The following ZKSCAN4 variants were observed in gnomAD, a reference collection of about 807,000 sequenced individuals.
ZKSCAN4 encodes the protein zinc finger with KRAB and SCAN domains 4, also known as zinc finger protein with KRAB and SCAN domains 4.
A neutral mutation model predicts 30.8 loss-of-function variants in ZKSCAN4; 23 were observed. The ratio of observed to expected loss-of-function variants is 0.75; its 90% CI spans 0.54 to 1.06. ZKSCAN4 has a LOEUF of 1.06. Ranked by LOEUF, ZKSCAN4 falls within the 50% of genes least tolerant of loss-of-function variation. The pLI, the probability that ZKSCAN4 is intolerant of heterozygous loss-of-function variation, is 0.00. For missense variants in ZKSCAN4, 556 were observed against 665.4 expected, an observed-to-expected ratio of 0.84 and a Z score of 1.81; for synonymous variants, 208 against 252.5, an observed-to-expected ratio of 0.82 and a Z score of 1.67.
Position 28,251,540 on chromosome 6 carries a change from T to A in ZKSCAN4, c.423+18A>T. ...GAAACAGACCACAGCGCTCAGATAC[T>A]AAACCTGTTCTTTCTACCTGCGGCG... On this transcript the variant is annotated intron_variant, in intron 1 of 4. Coordinates refer to ENST00000377294, the MANE Select transcript of ZKSCAN4 (RefSeq NM_019110.5). The surrounding 1 kb of genome is among the most constrained non-coding windows in gnomAD (Gnocchi z 4.5). The A allele has an allele frequency of 2.5e-6, 4 of 1,614,170 alleles. No individual in the cohort carries two copies. The South Asian group carries it at 4.4e-5, about 18-fold the overall frequency.
rs769732210 is a variant in ZKSCAN4, at chr6:28,245,551, C to A, written c.1203G>T (p.Glu401Asp). 21 of 1,614,238 alleles carry A rather than the reference C, an allele frequency of 1.3e-5. No homozygotes were observed. In the Admixed American group the frequency reaches 3.0e-4, roughly 23 times the overall value. ...CACAGTCATCACACTCATAGGGCTT[C>A]TCCCCAGTGTGGGTTCTCTGGTGTT... Reference protein sequence around the residue: ...LIKHQRTHTGEKPYECDDCGK... With the variant: ...LIKHQRTHTGDKPYECDDCGK... Residue 401 changes from glutamate to aspartate, a missense_variant, in exon 5 of 5, where the codon GAG becomes GAT. Transcript: ENST00000377294.
upstream of ZKSCAN4, among the ~76,000 whole-genome samples, chr6:28,252,878 A>C (rs982676164): frequency 1.3e-5 from 2 of 152,036 alleles, no homozygotes; most frequent in African/African-American, 4.8e-5. Context: ...GAAACTCTCT[A>C]GTCTCTGGCT....
Position 28,251,469 on chromosome 6 carries a change from T to C in ZKSCAN4, c.423+89A>G. The C allele has an allele frequency of 6.2e-7, 1 of 1,604,906 alleles. No individual in the cohort carries two copies. The highest frequency in any genetic ancestry group is 8.5e-7 in the Non-Finnish European group (1 of 1,175,074). On this transcript the variant is annotated intron_variant, in intron 1 of 4. Transcript: ENST00000377294. This position sits in a 1 kb window ranked among gnomAD's most constrained non-coding sequence, Gnocchi z 4.5. ...AGTACAAAAAGAGATGAAGAACTCC[T>C]GGACCTTAAAGGAATGCCCCTCGCT...
At position 28,245,964 on chromosome 6, in the gene ZKSCAN4, G is replaced by T; in HGVS notation, c.790C>A (p.Gln264Lys). 1 of 1,614,154 alleles carries T rather than the reference G, an allele frequency of 6.2e-7. No homozygotes were observed. The highest frequency in any genetic ancestry group is 8.5e-7 in the Non-Finnish European group (1 of 1,180,024). ...SSLVSLGGEI[Q>K]TKSRDLPPVK... ...GGAGGCAAGTCCCTGCTCTTAGTCT[G>T]TATTTCACCACCTGAAACAACAAAT... The change falls in exon 5 of 5, where the codon CAG (glutamine) becomes AAG (lysine). Residue 264 changes from glutamine (Q) to lysine (K), a missense_variant. Physicochemically the swap from Gln to Lys is moderately conservative, Grantham distance 53 (BLOSUM62 1). Coordinates refer to ENST00000377294, the MANE Select transcript of ZKSCAN4 (RefSeq NM_019110.5).
rs1325506365 is a variant in ZKSCAN4 at position 28,249,397 on chromosome 6, G to A, written c.571+290C>T. Among the ~76,000 whole-genome samples the A allele has an allele frequency of 1.3e-5, 2 of 152,112 alleles. No individual in the cohort carries two copies. Among genetic ancestry groups the A allele is most frequent in the African/African-American group, 4.8e-5 (2 of 41,400 alleles). On this transcript the variant is annotated intron_variant, in intron 2 of 4. Coordinates refer to ENST00000377294, the MANE Select transcript of ZKSCAN4 (RefSeq NM_019110.5). This position sits in a 1 kb window ranked among gnomAD's most constrained non-coding sequence, Gnocchi z 4.1. The stretch of plus-strand genomic sequence containing the variant: ...CTCTCTCCCCAGTGCCTACAACACT[G>A]GCTACCATAGATGAAGGCTCCCTAA...
the ZKSCAN4 span, chr6:28,259,202 C>A: frequency 6.9e-6 from 4 of 576,146 alleles, no homozygotes; most frequent in Middle Eastern, 4.0e-4. Context: ...GAAGCCTTCA[C>A]GCAGCCAAGG....
At position 28,249,885 on chromosome 6, in the gene ZKSCAN4, G is replaced by A. The variant is rs1024501730; in HGVS notation, c.424-51C>T. On this transcript the variant is annotated intron_variant, in intron 1 of 4. Transcript: ENST00000377294. The surrounding 1 kb of genome is among the most constrained non-coding windows in gnomAD (Gnocchi z 4.1). The stretch of plus-strand genomic sequence containing the variant: ...TACCCAACATTTCTATGTTTTCCAT[G>A]TGCAAGTGATTTCTATTTTCTAGGC... 3.1e-6 allele frequency: 5 copies of A among 1,597,334 alleles called. No individual in the cohort carries two copies. Among genetic ancestry groups the A allele is most frequent in the Non-Finnish European group, 4.3e-6 (5 of 1,170,336 alleles).
At chr6:28,250,724 T>C (rs1028749373) in intron 1 of ZKSCAN4, among the ~76,000 whole-genome samples, 1 of 152,216 alleles carries the variant, frequency 6.6e-6, no homozygotes, top group Non-Finnish European at 1.5e-5. Context: ...AATTACAGTT[T>C]TCAAGTTACT....
Position 28,252,066 on chromosome 6 carries a change from T to G in ZKSCAN4, c.-86A>C. The G allele has an allele frequency of 7.0e-7, 1 of 1,423,164 alleles. No homozygotes were observed. The highest frequency in any genetic ancestry group is 1.5e-5 in the South Asian group (1 of 64,982). The allele number at this position is 1,423,164 out of a possible 1,614,324, so 88.2% of individuals were successfully genotyped here. ...TCTGGAAGGGTGGTAAATTTTCCAG[T>G]AGAACTGCAAGTGGTCCCCCTCCTG... is the stretch of plus-strand genomic sequence containing the variant. On this transcript the variant is annotated 5_prime_UTR_variant, in exon 1 of 5. Coordinates refer to ENST00000377294, the MANE Select transcript of ZKSCAN4 (RefSeq NM_019110.5).
chr6:28,254,186 T>C (rs1255075957), upstream of ZKSCAN4, among the ~76,000 whole-genome samples: 1 of 152,192 alleles, frequency 6.6e-6, no homozygotes, highest in African/African-American at 2.4e-5. Context: ...GAAGTGTCAG[T>C]GTACAGCAGC....
chr6:28,246,054 A>G, intron 4 of ZKSCAN4, 79 bp from the exon 5 acceptor site: 1 of 1,581,208 alleles, frequency 6.3e-7, no homozygotes, highest in Non-Finnish European at 8.6e-7. Context: ...CTAGGGAGAC[A>G]AGAATTACAG....
Position 28,252,235 on chromosome 6 carries a change from G to A in ZKSCAN4, c.-255C>T. On this transcript the variant is annotated 5_prime_UTR_variant, in exon 1 of 5. Transcript: ENST00000377294. ...AAAGGATGTCTTTGGGAGTGAAAGT[G>A]ATCACTCTCCAGACATAGGAGGGAA... is the stretch of plus-strand genomic sequence containing the variant. 2.9e-6 allele frequency: 1 copy of A among 343,176 alleles called. No individual in the cohort carries two copies. The highest frequency in any genetic ancestry group is 5.2e-6 in the Non-Finnish European group (1 of 191,266). 21.3% of individuals were successfully genotyped at this position (343,176 alleles called of 1,614,324 possible).
At chr6:28,253,631 T>TA (rs1761095252), upstream of ZKSCAN4, among the ~76,000 whole-genome samples, 1 of 152,224 alleles carries the variant, frequency 6.6e-6, no homozygotes, top group African/African-American at 2.4e-5. This position sits in a 1 kb window ranked among gnomAD's most constrained non-coding sequence, Gnocchi z 4.2. Context: ...AACATCCTGA[T>TA]ACCTAGGCTG....
Position 28,248,114 on chromosome 6 carries a change from AGCACCCTCCCTGG to A in ZKSCAN4, c.594_606del (p.Gln199AlafsTer7), listed in dbSNP as rs767022984. 1.2e-6 allele frequency: 2 copies of A among 1,613,750 alleles called. No individual in the cohort carries two copies. The highest frequency in any genetic ancestry group is 2.7e-5 in the African/African-American group (2 of 74,936). ...GAAGCTACCATTGCATCTTCTCTGC[AGCACCCTCCCTGG>A]GCAAGCCCAGGAACCTGGAGAACTA... On this transcript the variant is annotated frameshift_variant, in exon 3 of 5. Transcript: ENST00000377294. LOFTEE classifies it high-confidence loss of function.
Position 28,252,110 on chromosome 6 carries a change from G to A in ZKSCAN4, c.-130C>T. ...CCTCCTGTCATGCCCAGGGGCCCAG[G>A]ACACCCCCTGAGGCGCAGCTGCACA... is the stretch of plus-strand genomic sequence containing the variant. On this transcript the variant is annotated 5_prime_UTR_variant, in exon 1 of 5. Transcript: ENST00000377294. 1 of 993,040 alleles carries A rather than the reference G, an allele frequency of 1.0e-6. No individual in the cohort carries two copies. Among genetic ancestry groups the A allele is most frequent in the Non-Finnish European group, 1.5e-6 (1 of 685,832 alleles). 61.5% of individuals were successfully genotyped at this position (993,040 alleles called of 1,614,324 possible).
At chr6:28,258,410 A>ATC in the ZKSCAN4 span, among the ~76,000 whole-genome samples, 2 of 152,328 alleles carry the variant, frequency 1.3e-5, no homozygotes, top group African/African-American at 2.4e-5. Flanking sequence ...ATAGAAAGAC[A>ATC]TCTGTCTACA....
At chr6:28,255,102 G>C (rs1581593893), upstream of ZKSCAN4, among the ~76,000 whole-genome samples, 1 of 152,312 alleles carries the variant, frequency 6.6e-6, no homozygotes, top group Middle Eastern at 3.4e-3. Context: ...ATTTGGGCTG[G>C]CAAGTCAGGG....
the ZKSCAN4 span, among the ~76,000 whole-genome samples, chr6:28,258,785 A>G: frequency 7.7e-6 from 1 of 129,832 alleles, no homozygotes; most frequent in Admixed American, 7.7e-5. Flanking sequence ...AAAAAAAAAA[A>G]GTACGACTTT....
chr6:28,248,554 C>T (rs1760839526), intron 2 of ZKSCAN4, among the ~76,000 whole-genome samples: 1 of 151,984 alleles, frequency 6.6e-6, no homozygotes, highest in Admixed American at 6.6e-5. Context: ...GGAGGCCAGG[C>T]ACAGTGGCTC....
Sources: allele counts gnomAD v4.1 joint callset (sites outside exome capture counted in the v4.1 genomes callset), GRCh38; gene constraint gnomAD v4.1.1; non-coding constraint Gnocchi (gnomAD v3.1); transcripts MANE v1.5; gene names NCBI Gene and HGNC (gene_info 2026-07-23, HGNC 2026-07-21).